Variants in DCC observed in about 807,000 individuals in gnomAD.
The protein encoded by DCC is DCC netrin 1 receptor, also known as netrin receptor DCC.
DCC carries 58 observed loss-of-function variants against 172.5 expected under a neutral mutation model. The ratio of observed to expected loss-of-function variants is 0.34; its 90% CI spans 0.27 to 0.42. DCC has a LOEUF of 0.42. Ranked by LOEUF, DCC falls within the 10% of genes least tolerant of loss-of-function variation. The pLI is 1.00. For synonymous variants in DCC, 709 were observed against 644.5 expected (o/e 1.10, Z -1.52); for missense variants, 1,740 against 1,791.0 (o/e 0.97, Z 0.51).
chr18:52,845,394 C>A (rs920591032), intron 2 of DCC, among the ~76,000 whole-genome samples: 1 of 152,206 alleles, frequency 6.6e-6, no homozygotes, highest in Non-Finnish European at 1.5e-5. Context: ...AATTCTCGAT[C>A]AAAGAGAAAA....
chr18:53,019,201 C>T (rs2041846953), intron 5 of DCC, among the ~76,000 whole-genome samples: 1 of 152,092 alleles, frequency 6.6e-6, no homozygotes, highest in Admixed American at 6.5e-5. Context: ...ATCATTTTTC[C>T]CAACTCAATG....
chr18:52,966,584 C>T (rs185819525), intron 5 of DCC, among the ~76,000 whole-genome samples: 2 of 152,200 alleles, frequency 1.3e-5, no homozygotes, highest in East Asian at 3.9e-4. Flanking sequence ...ATAGATAGGA[C>T]AGTGAAAAGC....
chr18:53,107,501 C>A, intron 7 of DCC, among the ~76,000 whole-genome samples: 1 of 132,840 alleles, frequency 7.5e-6, no homozygotes. Flanking sequence ...CGTTTATAAT[C>A]TTTACTTCAA....
chr18:53,160,703 C>A (rs1241324875), intron 8 of DCC, among the ~76,000 whole-genome samples: 2 of 152,158 alleles, frequency 1.3e-5, no homozygotes, highest in Admixed American at 6.5e-5. Flanking sequence ...CTCTCACATA[C>A]GCTCCTAATG....
At chr18:52,838,583 T>C (rs543922048) in intron 2 of DCC, among the ~76,000 whole-genome samples, 1 of 152,116 alleles carries the variant, frequency 6.6e-6, no homozygotes, top group Admixed American at 6.5e-5. Context: ...TTTTAAATCA[T>C]CAAGTAATAA....
intron 17 of DCC, among the ~76,000 whole-genome samples, chr18:53,392,204 T>G (rs1908591807): frequency 6.6e-6 from 1 of 152,050 alleles, no homozygotes. Flanking sequence ...AGATCTATGT[T>G]AATTTTCTGG....
intron 15 of DCC, among the ~76,000 whole-genome samples, chr18:53,379,737 G>A (rs1907576627): frequency 6.6e-6 from 1 of 152,118 alleles, no homozygotes; most frequent in Non-Finnish European, 1.5e-5. Flanking sequence ...GATGCTCAAC[G>A]AGTTACTAAA....
intron 1 of DCC, among the ~76,000 whole-genome samples, chr18:52,357,952 A>AT (rs1365180402): frequency 1.1e-4 from 13 of 122,964 alleles, no homozygotes; most frequent in Non-Finnish European, 1.3e-4. Flanking sequence ...AAAAAAAAAA[A>AT]AAAATCTGAC....
intron 1 of DCC, among the ~76,000 whole-genome samples, chr18:52,443,935 G>A (rs1030411908): frequency 2.0e-5 from 3 of 152,146 alleles, no homozygotes; most frequent in Non-Finnish European, 4.4e-5. Flanking sequence ...GGCTGCAAAG[G>A]TGTTGAGATT....
At chr18:53,393,067 T>C (rs548692360) in intron 17 of DCC, among the ~76,000 whole-genome samples, 1 of 152,268 alleles carries the variant, frequency 6.6e-6, no homozygotes, top group East Asian at 1.9e-4. Context: ...CCTTATACTT[T>C]AGCCAATGTT....
chr18:52,418,037 T>C (rs994145827), intron 1 of DCC, among the ~76,000 whole-genome samples: 1 of 152,184 alleles, frequency 6.6e-6, no homozygotes, highest in African/African-American at 2.4e-5. Context: ...GAGGAAGATC[T>C]AAAAGAAAAC....
At chr18:52,484,852 T>C (rs1162442629) in intron 1 of DCC, among the ~76,000 whole-genome samples, 1 of 152,016 alleles carries the variant, frequency 6.6e-6, no homozygotes, top group Non-Finnish European at 1.5e-5. Context: ...TCTCACTCCC[T>C]TCTCTCTCCA....
chr18:52,533,051 G>T (rs1049354090), intron 1 of DCC, among the ~76,000 whole-genome samples: 1 of 152,030 alleles, frequency 6.6e-6, no homozygotes, highest in Non-Finnish European at 1.5e-5. Flanking sequence ...AAAATATGTG[G>T]CCTTTAAAAT....
intron 1 of DCC, among the ~76,000 whole-genome samples, chr18:52,348,993 G>A (rs1983999891): frequency 6.6e-6 from 1 of 152,050 alleles, no homozygotes; most frequent in African/African-American, 2.4e-5. Context: ...TGAATATAAT[G>A]GAACTAAAGG....
chr18:53,380,419 T>C (rs1219421575), intron 15 of DCC, among the ~76,000 whole-genome samples: 1 of 152,202 alleles, frequency 6.6e-6, no homozygotes, highest in Non-Finnish European at 1.5e-5. Context: ...CAAAGCACTA[T>C]AGCCCACTTG....
At chr18:52,646,599 C>T (rs1258967021) in intron 1 of DCC, among the ~76,000 whole-genome samples, 2 of 152,156 alleles carry the variant, frequency 1.3e-5, no homozygotes, top group African/African-American at 4.8e-5. Flanking sequence ...CAGCACTGCT[C>T]ACAAAACTTA....
At chr18:53,080,697 A>G (rs905318091) in intron 7 of DCC, among the ~76,000 whole-genome samples, 16 of 152,144 alleles carry the variant, frequency 1.1e-4, no homozygotes, top group African/African-American at 3.6e-4. Context: ...ACTGAGTGGC[A>G]ACTCTGCTCA....
chr18:52,992,478 C>A (rs2041409055), intron 5 of DCC, among the ~76,000 whole-genome samples: 1 of 152,122 alleles, frequency 6.6e-6, no homozygotes, highest in Admixed American at 6.6e-5. Context: ...TCTGAGTCTC[C>A]TTCCAACTAC....
chr18:52,732,324 A>T (rs1319413748), intron 1 of DCC, among the ~76,000 whole-genome samples: 1 of 152,210 alleles, frequency 6.6e-6, no homozygotes, highest in African/African-American at 2.4e-5. Flanking sequence ...ATAACCAGGG[A>T]GAAGGGCTTT....
Sources: gnomAD v4.1 joint callset for allele counts (sites outside exome capture counted in the v4.1 genomes callset) on GRCh38, gnomAD v4.1.1 for gene constraint, MANE v1.5 for transcripts, NCBI Gene and HGNC (gene_info 2026-07-23, HGNC 2026-07-21) for gene names.